TBXAS1: variants seen among roughly 807,000 people sequenced by gnomAD.
The protein encoded by TBXAS1 is thromboxane A synthase 1, also known as thromboxane-A synthase.
Under a neutral mutation model 60.7 loss-of-function variants are expected in TBXAS1, and 48 were observed. The ratio of observed to expected loss-of-function variants is 0.79; its 90% CI spans 0.63 to 1.01. The LOEUF (loss-of-function observed/expected upper bound fraction) is 1.01, where lower values mean the gene tolerates loss of function less well. Ranked by LOEUF, TBXAS1 falls within the 50% of genes least tolerant of loss-of-function variation. The pLI, the probability that TBXAS1 is intolerant of heterozygous loss-of-function variation, is 0.00. For missense variants in TBXAS1, 685 were observed against 686.3 expected, an observed-to-expected ratio of 1.00 and a Z score of 0.02; for synonymous variants, 287 against 269.7, an observed-to-expected ratio of 1.06 and a Z score of -0.63.
At chr7:139,805,492 T>C (rs545538845) in intron 4 of TBXAS1, among the ~76,000 whole-genome samples, 71 of 152,262 alleles carry the variant, frequency 4.7e-4, no homozygotes, top group Middle Eastern at 3.4e-3. Context: ...ACCTTCCACT[T>C]TCATCCCATG....
At chr7:139,949,614 G>T (rs1479433654) in intron 5 of TBXAS1, among the ~76,000 whole-genome samples, 1 of 152,268 alleles carries the variant, frequency 6.6e-6, no homozygotes. Context: ...TTATTAAATC[G>T]ATGGTTTGTG....
chr7:139,994,239 C>T (rs531034926), intron 9 of TBXAS1, among the ~76,000 whole-genome samples: 217 of 152,282 alleles, frequency 1.4e-3, no homozygotes, highest in African/African-American at 4.1e-3. Context: ...GATGGGGTTT[C>T]GCCATGTTGG....
At chr7:139,931,599 G>A (rs1204721263) in intron 4 of TBXAS1, among the ~76,000 whole-genome samples, 1 of 152,194 alleles carries the variant, frequency 6.6e-6, no homozygotes, top group Admixed American at 6.6e-5. Context: ...GACAAGAGAA[G>A]AGGACCTGTG....
chr7:139,934,587 C>A (rs1230361857), intron 4 of TBXAS1, among the ~76,000 whole-genome samples: 1 of 152,206 alleles, frequency 6.6e-6, no homozygotes, highest in African/African-American at 2.4e-5. Flanking sequence ...GGGGTTTAAA[C>A]AATAGAAATT....
rs1584828476 is a variant in TBXAS1, at chr7:139,909,824, G to A, written c.237-1401G>A. Among the ~76,000 whole-genome samples, 5 of 152,298 alleles carry A rather than the reference G, an allele frequency of 3.3e-5. No individual in the cohort carries two copies. In the South Asian group the frequency reaches 1.0e-3, roughly 32 times the overall value. On this transcript the variant is annotated intron_variant, in intron 3 of 12. Transcript: ENST00000448866. ...CAGCGATCAAATTACATCCCTGAAA[G>A]TATAATTTCATACACCGAAAACATG...
At chr7:139,927,611 T>C (rs1399454633) in intron 4 of TBXAS1, among the ~76,000 whole-genome samples, 2 of 152,152 alleles carry the variant, frequency 1.3e-5, no homozygotes, top group Non-Finnish European at 2.9e-5. Flanking sequence ...TTTTGAAGAA[T>C]TGACATCATG....
chr7:140,006,940 C>A (rs1814121152), intron 9 of TBXAS1, 151 bp from the exon 10 acceptor site: 2 of 779,794 alleles, frequency 2.6e-6, no homozygotes, highest in South Asian at 1.4e-5. Context: ...CAATCAGATG[C>A]AATTTGGGTC....
intron 5 of TBXAS1, among the ~76,000 whole-genome samples, chr7:139,951,041 G>A (rs118126932): frequency 3.6e-4 from 55 of 152,248 alleles, no homozygotes; most frequent in Non-Finnish European, 5.3e-4. Flanking sequence ...TCAATAGCCG[G>A]CCAGCTGTCC....
At chr7:139,885,926 A>G (rs1037324485) in intron 3 of TBXAS1, among the ~76,000 whole-genome samples, 1 of 152,254 alleles carries the variant, frequency 6.6e-6, no homozygotes, top group Admixed American at 6.5e-5. Flanking sequence ...CACGTTTGAA[A>G]TTCTACTAAA....
chr7:139,984,610 A>G (rs1275560268), intron 9 of TBXAS1, among the ~76,000 whole-genome samples: 1 of 62,678 alleles, frequency 1.6e-5, no homozygotes, highest in Non-Finnish European at 3.0e-5. Context: ...AAAAATAAGA[A>G]AGAAAGAGAG....
chr7:139,785,084 G>A (rs73475943), intron 3 of TBXAS1, among the ~76,000 whole-genome samples: 15,243 of 152,070 alleles, frequency 0.1, 2,526 homozygotes, highest in African/African-American at 0.35. Flanking sequence ...TACTCCCTAG[G>A]GGATACATTT....
intron 9 of TBXAS1, among the ~76,000 whole-genome samples, chr7:139,990,664 C>A (rs1254457295): frequency 6.6e-6 from 1 of 152,066 alleles, no homozygotes; most frequent in Non-Finnish European, 1.5e-5. Context: ...CTGGTGGCTT[C>A]TTTGCTGCCA....
In TBXAS1 at chr7:139,896,860, C is replaced by A. The variant is rs2116964233; in HGVS notation, c.237-14365C>A. On this transcript the variant is annotated intron_variant, in intron 3 of 12. Transcript: ENST00000448866. The surrounding 1 kb of genome is among the most constrained non-coding windows in gnomAD (Gnocchi z 4.0). Reference sequence around the variant, plus strand: ...CAAGTGAAGAAGCTTAAACTTGCTTCAAATGATGGAGAACCACTAGAGATT... The same window carrying A: ...CAAGTGAAGAAGCTTAAACTTGCTTAAAATGATGGAGAACCACTAGAGATT... Among the ~76,000 whole-genome samples, 1 of 152,266 alleles carries A rather than the reference C, an allele frequency of 6.6e-6. No individual in the cohort carries two copies. The highest frequency in any genetic ancestry group is 1.9e-4 in the East Asian group (1 of 5,182).
In TBXAS1 at chr7:139,866,389, A is replaced by G. The variant is rs142272032; in HGVS notation, c.90-5846A>G. ...TTAAGCAGCCATAAAAATGATATTT[A>G]TAAAGGATTAATAACATGGAGATGT... is the stretch of plus-strand genomic sequence containing the variant. On this transcript the variant is annotated intron_variant, in intron 1 of 12. Coordinates refer to ENST00000448866, the MANE Select transcript of TBXAS1 (RefSeq NM_001061.7). Among the ~76,000 whole-genome samples, 83 of 152,370 alleles carry G rather than the reference A, an allele frequency of 5.4e-4. 2 individuals carry two copies. The highest frequency in any genetic ancestry group is 1.9e-3 in the African/African-American group (79 of 41,594).
rs11983556 is a variant in TBXAS1 at position 139,841,747 on chromosome 7, T to C, written c.89+12268T>C. On this transcript the variant is annotated intron_variant, in intron 1 of 12. Transcript: ENST00000448866. ...TATGACTATAAAGTAACGTGACTGA[T>C]TATTTTAGCATACACTCCAATACTT... Among the ~76,000 whole-genome samples, 408 of 152,348 alleles carry C rather than the reference T, an allele frequency of 2.7e-3. 2 individuals carry two copies. Among genetic ancestry groups the C allele is most frequent in the Non-Finnish European group, 4.7e-3 (318 of 68,032 alleles).
At chr7:139,790,902 A>T (rs1040799585) in intron 4 of TBXAS1, among the ~76,000 whole-genome samples, 1 of 152,278 alleles carries the variant, frequency 6.6e-6, no homozygotes, top group South Asian at 2.1e-4. Context: ...TCCCAGGCTT[A>T]AGCAATCCTG....
chr7:139,931,169 G>C (rs185829266), intron 4 of TBXAS1, among the ~76,000 whole-genome samples: 1 of 152,002 alleles, frequency 6.6e-6, no homozygotes, highest in Non-Finnish European at 1.5e-5. Context: ...GACGTTAAAT[G>C]CTCCTCTGTG....
rs149849844 is a variant in TBXAS1 at position 139,778,910 on chromosome 7, A to G, written c.-318+439A>G. 1.9e-4 allele frequency among the ~76,000 whole-genome samples: 29 copies of G among 152,246 alleles called. No individual in the cohort carries two copies. Among genetic ancestry groups the G allele is most frequent in the African/African-American group, 6.5e-4 (27 of 41,548 alleles). ...AGACTTGTTGAGTCTCCTCTTAGGC[A>G]CTGTTTTTAAAACTGTGGGTCGTGA... On this transcript the variant is annotated intron_variant, in intron 1 of 16. Coordinates refer to the TBXAS1 transcript ENST00000336425. The surrounding 1 kb of genome is among the most constrained non-coding windows in gnomAD (Gnocchi z 4.8).
intron 9 of TBXAS1, among the ~76,000 whole-genome samples, chr7:139,968,397 T>C (rs1180217764): frequency 6.6e-6 from 1 of 152,144 alleles, no homozygotes; most frequent in African/African-American, 2.4e-5. Flanking sequence ...CAGGTTCAAG[T>C]GATTCTCCTG....
Sources: gnomAD v4.1 joint callset for allele counts (sites outside exome capture counted in the v4.1 genomes callset) on GRCh38, gnomAD v4.1.1 for gene constraint, Gnocchi (gnomAD v3.1) non-coding constraint, MANE v1.5 for transcripts, NCBI Gene and HGNC (gene_info 2026-07-23, HGNC 2026-07-21) for gene names.